Variants in KATNIP observed in about 807,000 individuals in gnomAD.
The protein encoded by KATNIP is katanin interacting protein.
Under a neutral mutation model 174.0 loss-of-function variants are expected in KATNIP, and 126 were observed. That is an observed-to-expected ratio of 0.72 (90% confidence interval 0.63 to 0.84). The LOEUF (loss-of-function observed/expected upper bound fraction) is 0.84, where lower values mean the gene tolerates loss of function less well. KATNIP is among the 40% of genes least tolerant of loss of function. The pLI is 0.00. For missense variants in KATNIP, 1,958 were observed against 2,109.7 expected, an observed-to-expected ratio of 0.93 and a Z score of 1.41; for synonymous variants, 810 against 835.7, an observed-to-expected ratio of 0.97 and a Z score of 0.53.
At chr16:27,654,383 G>A (rs1597072116) in intron 6 of KATNIP, among the ~76,000 whole-genome samples, 2 of 152,284 alleles carry the variant, frequency 1.3e-5, no homozygotes, top group East Asian at 3.9e-4. Flanking sequence ...TTAGGAGTTG[G>A]TGGCCTGAGT....
chr16:27,572,399 A>ACACACACACACG lies in KATNIP; in HGVS notation c.8-1502_8-1501insCACACACACACG, dbSNP rs1555510773. On this transcript the variant is annotated intron_variant, in intron 1 of 27. Transcript: ENST00000261588. ...CACACACACACACACACACACACACAATGAAGACAAAGGCAGGCATGTAGC... is the reference window on the plus strand; with the variant it reads ...CACACACACACACACACACACACACACACACACACACGATGAAGACAAAGGCAGGCATGTAGC... Among the ~76,000 whole-genome samples, 5 of 151,012 alleles carry ACACACACACACG rather than the reference A, an allele frequency of 3.3e-5. No individual in the cohort carries two copies. In the East Asian group the frequency reaches 9.7e-4, roughly 29 times the overall value.
intron 15 of KATNIP, among the ~76,000 whole-genome samples, chr16:27,741,450 G>GA (rs1272030395): frequency 1.3e-5 from 2 of 151,592 alleles, no homozygotes; most frequent in Non-Finnish European, 2.9e-5. Context: ...AGAAAAAAAA[G>GA]AAAAAATAAT....
chr16:27,730,546 C>T (rs2080633190), intron 14 of KATNIP, among the ~76,000 whole-genome samples: 1 of 152,206 alleles, frequency 6.6e-6, no homozygotes, highest in South Asian at 2.1e-4. Flanking sequence ...TCCCACTGGC[C>T]CCCATAAAAC....
At chr16:27,702,286 A>G (rs1448246808) in intron 11 of KATNIP, among the ~76,000 whole-genome samples, 1 of 152,178 alleles carries the variant, frequency 6.6e-6, no homozygotes, top group African/African-American at 2.4e-5. Context: ...CAGCTGGTCT[A>G]GGGGGCGAGG....
chr16:27,754,083 A>G, intron 17 of KATNIP, 90 bp from the exon 18 acceptor site: 2 of 1,011,508 alleles, frequency 2.0e-6, no homozygotes, highest in Non-Finnish European at 3.1e-6. Context: ...TAGGGTGGGC[A>G]GTGGTAAATG....
At chr16:27,587,327 T>TGGGGTTGGGGTAGGGAGGC (rs1317849419) in intron 2 of KATNIP, among the ~76,000 whole-genome samples, 6 of 152,214 alleles carry the variant, frequency 3.9e-5, no homozygotes, top group Admixed American at 3.9e-4. Flanking sequence ...CTGGAGTAGC[T>TGGGGTTGGGGTAGGGAGGC]GGGGTTGGGG....
chr16:27,554,024 G>T (rs923825048), intron 1 of KATNIP, among the ~76,000 whole-genome samples: 11 of 150,980 alleles, frequency 7.3e-5, no homozygotes, highest in Admixed American at 6.6e-4. Context: ...GGAGGGAGAG[G>T]AGAGAGAAAG....
chr16:27,681,071 G>A, intron 7 of KATNIP: 1 of 304,696 alleles, frequency 3.3e-6, no homozygotes, highest in Non-Finnish European at 6.5e-6. Context: ...GGCTCAAGCA[G>A]TTCCCCCACC....
chr16:27,679,663 G>A (rs751361493), intron 7 of KATNIP, among the ~76,000 whole-genome samples: 18 of 150,358 alleles, frequency 1.2e-4, no homozygotes, highest in Non-Finnish European at 2.5e-4. Flanking sequence ...GAGGCAGGAG[G>A]ATCACTTAAG....
intron 19 of KATNIP, 94 bp downstream of exon 19, chr16:27,761,684 T>G: frequency 8.7e-7 from 1 of 1,148,986 alleles, no homozygotes; most frequent in South Asian, 1.3e-5. Flanking sequence ...TCAAATAGAA[T>G]CGCATATGTC....
intron 2 of KATNIP, among the ~76,000 whole-genome samples, chr16:27,588,141 C>T (rs2090972690): frequency 6.6e-6 from 1 of 152,054 alleles, no homozygotes; most frequent in South Asian, 2.1e-4. Context: ...ACCCTCCTGC[C>T]TCTGCCTCCC....
chr16:27,710,593 C>T (rs919067492), intron 13 of KATNIP, among the ~76,000 whole-genome samples: 6 of 152,134 alleles, frequency 3.9e-5, no homozygotes, highest in African/African-American at 1.4e-4. Context: ...CCTCAAACTC[C>T]TGGGCTCAAG....
intron 14 of KATNIP, among the ~76,000 whole-genome samples, chr16:27,730,367 A>C (rs991084519): frequency 1.3e-5 from 2 of 152,156 alleles, no homozygotes; most frequent in African/African-American, 2.4e-5. Flanking sequence ...TTACACCTGG[A>C]AACTTGAGTG....
rs556660602 is a variant in KATNIP, at chr16:27,637,248, T to C, written c.408+6086T>C. Among the ~76,000 whole-genome samples, 1 of 152,344 alleles carries C rather than the reference T, an allele frequency of 6.6e-6. No homozygotes were observed. Among genetic ancestry groups the C allele is most frequent in the South Asian group, 2.1e-4 (1 of 4,826 alleles). The stretch of plus-strand genomic sequence containing the variant: ...GGCCTCAGGGCTCTTCACTCTAGTA[T>C]GTTCCTTTGCTCACTCATACTTTAC... On this transcript the variant is annotated intron_variant, in intron 5 of 27. Coordinates refer to ENST00000261588, the MANE Select transcript of KATNIP (RefSeq NM_015202.5). This position sits in a 1 kb window ranked among gnomAD's most constrained non-coding sequence, Gnocchi z 4.7.
At chr16:27,712,893 C>T (rs2079641793) in intron 13 of KATNIP, among the ~76,000 whole-genome samples, 1 of 152,140 alleles carries the variant, frequency 6.6e-6, no homozygotes, top group Non-Finnish European at 1.5e-5. Flanking sequence ...GCAGCCTCGA[C>T]CTCCTGGGCT....
intron 6 of KATNIP, among the ~76,000 whole-genome samples, chr16:27,677,376 G>A (rs1445924844): frequency 6.6e-6 from 1 of 152,034 alleles, no homozygotes; most frequent in Non-Finnish European, 1.5e-5. Flanking sequence ...TGAATCAGTG[G>A]GTGGGACTCC....
intron 15 of KATNIP, among the ~76,000 whole-genome samples, chr16:27,744,879 C>T (rs1480689788): frequency 6.6e-6 from 1 of 152,056 alleles, no homozygotes; most frequent in African/African-American, 2.4e-5. Flanking sequence ...CACGCCACTG[C>T]ACTCCAGCCT....
At chr16:27,693,708 C>T (rs1400854711) in intron 8 of KATNIP, among the ~76,000 whole-genome samples, 1 of 151,948 alleles carries the variant, frequency 6.6e-6, no homozygotes, top group Admixed American at 6.6e-5. Flanking sequence ...GTTTATTGCT[C>T]AGAGCAGCCA....
chr16:27,590,335 T>C (rs1226721646), intron 2 of KATNIP, among the ~76,000 whole-genome samples: 1 of 151,858 alleles, frequency 6.6e-6, no homozygotes, highest in Non-Finnish European at 1.5e-5. Flanking sequence ...TTTCTTTCTT[T>C]CTTTCTTTTT....
Sources: allele counts gnomAD v4.1 joint callset (sites outside exome capture counted in the v4.1 genomes callset), GRCh38; gene constraint gnomAD v4.1.1; non-coding constraint Gnocchi (gnomAD v3.1); transcripts MANE v1.5; gene names NCBI Gene and HGNC (gene_info 2026-07-23, HGNC 2026-07-21).